Variants in ST8SIA1 observed in about 807,000 individuals in gnomAD.
ST8SIA1 encodes ST8 alpha-N-acetyl-neuraminide alpha-2,8-sialyltransferase 1.
Under a neutral mutation model 35.9 loss-of-function variants are expected in ST8SIA1, and 16 were observed. The observed-to-expected ratio is 0.45, with a 90% CI of 0.30 to 0.68. The LOEUF is 0.68. Among genes scored for constraint, ST8SIA1 ranks in the 30% least tolerant of loss-of-function variants. The pLI is 0.09. For synonymous variants in ST8SIA1, 170 were observed against 169.6 expected (o/e 1.00, Z -0.02); for missense variants, 383 against 453.6 (o/e 0.84, Z 1.41).
At chr12:22,210,307 GA>G (rs1452709202) in intron 4 of ST8SIA1, among the ~76,000 whole-genome samples, 1 of 151,844 alleles carries the variant, frequency 6.6e-6, no homozygotes, top group East Asian at 1.9e-4. Context: ...ACATAAAGCT[GA>G]AAAAAAATGG....
At chr12:22,262,773 G>A (rs1301709750) in intron 2 of ST8SIA1, among the ~76,000 whole-genome samples, 1 of 152,212 alleles carries the variant, frequency 6.6e-6, no homozygotes, top group Non-Finnish European at 1.5e-5. Context: ...GAGCCTTTGT[G>A]AGAGGCTGCC....
chr12:22,327,543 A>G (rs1290474366), intron 1 of ST8SIA1, among the ~76,000 whole-genome samples: 1 of 152,214 alleles, frequency 6.6e-6, no homozygotes, highest in Non-Finnish European at 1.5e-5. Context: ...AGGAAATTCC[A>G]GAGTCTAGAA....
rs1302668999 is a variant in ST8SIA1 at position 22,196,375 on chromosome 12, A to C, written c.*5177T>G. ...GCTTTTCATTCATGCACTTGTTTCA[A>C]TCTCTCACCCCTAAGATGTATGTAA... On this transcript the variant is annotated 3_prime_UTR_variant, in exon 5 of 5. Coordinates refer to ENST00000396037, the MANE Select transcript of ST8SIA1 (RefSeq NM_003034.4). 6.6e-6 allele frequency: 1 copy of C among 152,194 alleles called. No homozygotes were observed. Among genetic ancestry groups the C allele is most frequent in the Non-Finnish European group, 1.5e-5 (1 of 68,050 alleles). The allele number at this position is 152,194 out of a possible 1,614,324, so 9.4% of individuals were successfully genotyped here. A position where few individuals can be genotyped will look rare whatever the true frequency, so the allele number is the denominator to read the frequency against.
At position 22,194,860 on chromosome 12, in the gene ST8SIA1, C is replaced by T. The variant is rs1423547805; in HGVS notation, c.*6692G>A. 2.0e-5 allele frequency: 3 copies of T among 151,832 alleles called. No individual in the cohort carries two copies. Among genetic ancestry groups the T allele is most frequent in the African/African-American group, 7.3e-5 (3 of 41,300 alleles). The allele number at this position is 151,832 out of a possible 1,614,324, so 9.4% of individuals were successfully genotyped here. The stretch of plus-strand genomic sequence containing the variant: ...AATAATCTTATTTGGGGAATATGTA[C>T]CAAAGTACAGACAAAAAAGGGCTAT... On this transcript the variant is annotated 3_prime_UTR_variant, in exon 5 of 5. Coordinates refer to ENST00000396037, the MANE Select transcript of ST8SIA1 (RefSeq NM_003034.4).
At chr12:22,231,637 G>A (rs1313052667) in intron 4 of ST8SIA1, among the ~76,000 whole-genome samples, 6 of 151,566 alleles carry the variant, frequency 4.0e-5, no homozygotes, top group Non-Finnish European at 8.8e-5. Context: ...GCAGTGGTGC[G>A]ATCTTGGCTC....
At chr12:22,278,460 A>C (rs114447042) in intron 2 of ST8SIA1, among the ~76,000 whole-genome samples, 237 of 152,342 alleles carry the variant, frequency 1.6e-3, no homozygotes, top group African/African-American at 5.1e-3. Flanking sequence ...AAAGACAATC[A>C]GGAAATTTAT....
intron 4 of ST8SIA1, among the ~76,000 whole-genome samples, chr12:22,207,565 T>C (rs937319838): frequency 6.6e-6 from 1 of 152,202 alleles, no homozygotes; most frequent in South Asian, 2.1e-4. Context: ...AGATTGCTGC[T>C]TTTCAGTTTG....
In ST8SIA1 at chr12:22,255,686, TAAAA is replaced by T. The variant is rs5796957; in HGVS notation, c.382-301_382-298del. Among the ~76,000 whole-genome samples the T allele has an allele frequency of 2.7e-5, 4 of 150,576 alleles. No homozygotes were observed. In the South Asian group the frequency reaches 8.4e-4, roughly 32 times the overall value. On this transcript the variant is annotated intron_variant, in intron 2 of 4. Coordinates refer to ENST00000396037, the MANE Select transcript of ST8SIA1 (RefSeq NM_003034.4). Reference sequence around the variant, plus strand: ...GTAGAAGGTGTTTGCTAGGGAAAATTAAAAAAAAAATACAAAGTAAACACAGGAT... The same window carrying T: ...GTAGAAGGTGTTTGCTAGGGAAAATTAAAAAATACAAAGTAAACACAGGAT...
chr12:22,304,628 T>A (rs377019558), intron 1 of ST8SIA1, among the ~76,000 whole-genome samples: 1 of 152,216 alleles, frequency 6.6e-6, no homozygotes, highest in Non-Finnish European at 1.5e-5. Context: ...AAATAATTAT[T>A]GCAACAGAGG....
At chr12:22,249,516 A>G (rs530796773) in intron 3 of ST8SIA1, among the ~76,000 whole-genome samples, 120 of 151,928 alleles carry the variant, frequency 7.9e-4, no homozygotes, top group East Asian at 4.8e-3. Context: ...CACTGCACCC[A>G]GCCAGTAACT....
At chr12:22,244,581 C>A (rs1021902450) in intron 4 of ST8SIA1, among the ~76,000 whole-genome samples, 21 of 152,136 alleles carry the variant, frequency 1.4e-4, no homozygotes, top group Non-Finnish European at 2.6e-4. Flanking sequence ...CTCAGCCTCC[C>A]AAGTAGCTGG....
At chr12:22,281,591 CAA>C (rs1866034813) in intron 2 of ST8SIA1, among the ~76,000 whole-genome samples, 1 of 151,820 alleles carries the variant, frequency 6.6e-6, no homozygotes, top group Admixed American at 6.6e-5. Context: ...AGCTCAAAGC[CAA>C]AAAGAGACTA....
intron 2 of ST8SIA1, among the ~76,000 whole-genome samples, chr12:22,280,108 A>G (rs1306620507): frequency 6.6e-6 from 1 of 152,214 alleles, no homozygotes; most frequent in East Asian, 1.9e-4. Context: ...ATACCTCTCT[A>G]TAAGTTAATC....
At position 22,320,036 on chromosome 12, in the gene ST8SIA1, C is replaced by T. The variant is rs753561391; in HGVS notation, c.236+13961G>A. Among the ~76,000 whole-genome samples the T allele has an allele frequency of 6.6e-5, 10 of 152,264 alleles. 1 individual carries two copies. In the South Asian group the frequency reaches 1.4e-3, roughly 22 times the overall value. ...CTTGCTTAAGATGAAACAGAATGGA[C>T]TCAGTTGAGCATTTCCATATGACAT... On this transcript the variant is annotated intron_variant, in intron 1 of 4. Coordinates refer to ENST00000396037, the MANE Select transcript of ST8SIA1 (RefSeq NM_003034.4).
intron 1 of ST8SIA1, among the ~76,000 whole-genome samples, chr12:22,309,339 T>C (rs934090485): frequency 6.6e-6 from 1 of 152,114 alleles, no homozygotes; most frequent in Non-Finnish European, 1.5e-5. Flanking sequence ...CCTTTTTGCC[T>C]GATGAGACAC....
intron 4 of ST8SIA1, among the ~76,000 whole-genome samples, chr12:22,214,080 C>T (rs1357824295): frequency 6.6e-6 from 1 of 151,982 alleles, no homozygotes; most frequent in Non-Finnish European, 1.5e-5. Context: ...CATGTTGAGC[C>T]ACAGACATGA....
At chr12:22,277,857 T>C (rs539962905) in intron 2 of ST8SIA1, among the ~76,000 whole-genome samples, 12 of 152,218 alleles carry the variant, frequency 7.9e-5, no homozygotes, top group Admixed American at 2.0e-4. Context: ...TAGACGATAG[T>C]GTCATTACCT....
At chr12:22,300,077 G>T (rs1238004614) in intron 1 of ST8SIA1, among the ~76,000 whole-genome samples, 1 of 152,046 alleles carries the variant, frequency 6.6e-6, no homozygotes, top group African/African-American at 2.4e-5. Context: ...AGATTTAAAA[G>T]AATTATTTTT....
At chr12:22,305,729 T>A (rs1384915270) in intron 1 of ST8SIA1, among the ~76,000 whole-genome samples, 1 of 152,166 alleles carries the variant, frequency 6.6e-6, no homozygotes, top group African/African-American at 2.4e-5. Flanking sequence ...CTCATACTTA[T>A]CCCTGGCAAA....
Sources: gnomAD v4.1 joint callset for allele counts (sites outside exome capture counted in the v4.1 genomes callset) on GRCh38, gnomAD v4.1.1 for gene constraint, MANE v1.5 for transcripts, NCBI Gene and HGNC (gene_info 2026-07-23, HGNC 2026-07-21) for gene names.